Variants in ATP6V0A1 observed in about 807,000 individuals in gnomAD.
ATP6V0A1 encodes the protein ATPase H+ transporting V0 subunit a1.
Under a neutral mutation model 105.4 loss-of-function variants are expected in ATP6V0A1, and 43 were observed. The ratio of observed to expected loss-of-function variants is 0.41; its 90% CI spans 0.32 to 0.53. The LOEUF (loss-of-function observed/expected upper bound fraction) is 0.53, where lower values mean the gene tolerates loss of function less well. Ranked by LOEUF, ATP6V0A1 falls within the 20% of genes least tolerant of loss-of-function variation. The pLI, the probability that ATP6V0A1 is intolerant of heterozygous loss-of-function variation, is 0.30. For synonymous variants in ATP6V0A1, 362 were observed against 372.8 expected (o/e 0.97, Z 0.33); for missense variants, 676 against 1,051.1 (o/e 0.64, Z 4.93).
chr17:42,513,909 T>A lies in ATP6V0A1; in HGVS notation c.2179T>A (p.Tyr727Asn). Residue 727 changes from tyrosine to asparagine, a missense_variant, in exon 20 of 22, where the codon TAC becomes AAC. Around this residue, in one of 3 missense-constraint regions of ATP6V0A1, gnomAD observed 435 missense variants for 642.2 expected, o/e 0.68. Coordinates refer to ENST00000343619, the MANE Select transcript of ATP6V0A1 (RefSeq NM_001130021.3). ...MVHQAIHTIE[Y>N]CLGCISNTAS... Reference sequence around the variant, plus strand: ...CCACCAGGCCATCCACACCATCGAGTACTGCCTGGGCTGCATCTCCAACAC... The same window carrying A: ...CCACCAGGCCATCCACACCATCGAGAACTGCCTGGGCTGCATCTCCAACAC... 6.2e-7 allele frequency: 1 copy of A among 1,614,168 alleles called. No individual in the cohort carries two copies. Among genetic ancestry groups the A allele is most frequent in the Non-Finnish European group, 8.5e-7 (1 of 1,180,028 alleles).
intron 5 of ATP6V0A1, among the ~76,000 whole-genome samples, chr17:42,474,095 C>T (rs1368101708): frequency 6.6e-6 from 1 of 151,836 alleles, no homozygotes; most frequent in African/African-American, 2.4e-5. Flanking sequence ...TGCCGCCTCC[C>T]GGGTTCAAGC....
intron 8 of ATP6V0A1, among the ~76,000 whole-genome samples, chr17:42,482,734 T>C (rs1198981663): frequency 6.6e-6 from 1 of 151,562 alleles, no homozygotes; most frequent in Non-Finnish European, 1.5e-5. Context: ...CTGTCTCTAG[T>C]AAAAATACAA....
intron 21 of ATP6V0A1, among the ~76,000 whole-genome samples, chr17:42,517,405 G>T (rs763910038): frequency 6.6e-6 from 1 of 152,242 alleles, no homozygotes; most frequent in Admixed American, 6.5e-5. Context: ...CCCCAGAGGA[G>T]GCAGAGGATA....
chr17:42,494,721 A>C, intron 12 of ATP6V0A1: 1 of 511,282 alleles, frequency 2.0e-6, no homozygotes, highest in African/African-American at 1.9e-5. Context: ...CAGCATAGGC[A>C]ACATAGTGAG....
intron 7 of ATP6V0A1, 104 bp from the exon 8 acceptor site, chr17:42,480,563 A>G: frequency 9.5e-7 from 1 of 1,053,840 alleles, no homozygotes; most frequent in Non-Finnish European, 1.3e-6. Context: ...CCATGTCCTT[A>G]AAAGATGCCT....
Position 42,470,184 on chromosome 17 carries a change from T to C in ATP6V0A1, c.389T>C (p.Phe130Ser). The C allele has an allele frequency of 6.2e-7, 1 of 1,613,236 alleles. No homozygotes were observed. The highest frequency in any genetic ancestry group is 1.1e-5 in the South Asian group (1 of 90,982). Residue 130 changes from phenylalanine (F) to serine (S), a missense_variant, in exon 5 of 22, where the codon TTT (phenylalanine) becomes TCT (serine). Around this residue, in one of 3 missense-constraint regions of ATP6V0A1, gnomAD observed 239 missense variants for 388.4 expected, o/e 0.62. Coordinates refer to ENST00000343619, the MANE Select transcript of ATP6V0A1 (RefSeq NM_001130021.3). Reference sequence around the variant, plus strand: ...TTCCTGGAACTGACCGAATTAAAATTTATACTTCGCAAAACTCAGCAATTT... The same window carrying C: ...TTCCTGGAACTGACCGAATTAAAATCTATACTTCGCAAAACTCAGCAATTT... ...RNFLELTELK[F>S]ILRKTQQFFD... is the part of the protein sequence containing the mutation.
chr17:42,516,508 C>T (rs190317215), intron 21 of ATP6V0A1, among the ~76,000 whole-genome samples: 1 of 152,342 alleles, frequency 6.6e-6, no homozygotes, highest in African/African-American at 2.4e-5. Flanking sequence ...CTCCTCAGTG[C>T]ACGAGAACCT....
chr17:42,514,946 T>C (rs990310900), intron 21 of ATP6V0A1, among the ~76,000 whole-genome samples: 3 of 152,126 alleles, frequency 2.0e-5, no homozygotes, highest in Non-Finnish European at 4.4e-5. Flanking sequence ...GCAGCTCCAT[T>C]GTGGACCGGA....
intron 14 of ATP6V0A1, 44 bp downstream of exon 14, chr17:42,495,760 C>A: frequency 6.9e-7 from 1 of 1,459,662 alleles, no homozygotes; most frequent in Non-Finnish European, 9.6e-7. Context: ...AATTTTTTAA[C>A]ACTAACCCTG....
At chr17:42,494,891 T>G in intron 12 of ATP6V0A1, 143 bp from the exon 13 acceptor site, 2 of 786,770 alleles carry the variant, frequency 2.5e-6, no homozygotes, top group Non-Finnish European at 4.0e-6. Flanking sequence ...ATTAGCATTG[T>G]ATTTTGGTTT....
At chr17:42,511,046 G>A (rs542154905) in intron 19 of ATP6V0A1, 1 of 152,308 alleles carries the variant, frequency 6.6e-6, no homozygotes, top group Non-Finnish European at 1.5e-5. Flanking sequence ...TCAGAGGAGA[G>A]CAGTTACTGT....
At chr17:42,461,755 G>GC (rs2086432373) in intron 2 of ATP6V0A1, among the ~76,000 whole-genome samples, 1 of 152,176 alleles carries the variant, frequency 6.6e-6, no homozygotes, top group Non-Finnish European at 1.5e-5. Context: ...GGGCGACAGA[G>GC]CAAGACTCCG....
intron 2 of ATP6V0A1, among the ~76,000 whole-genome samples, chr17:42,461,515 C>G (rs1380795420): frequency 2.0e-5 from 3 of 152,160 alleles, no homozygotes. Context: ...TGGCTCACGC[C>G]TATAATCCTA....
chr17:42,494,939 G>C (rs1007178212), intron 12 of ATP6V0A1, 95 bp from the exon 13 acceptor site: 1 of 1,342,816 alleles, frequency 7.4e-7, no homozygotes, highest in Non-Finnish European at 1.0e-6. Flanking sequence ...GGGTAAAGTA[G>C]TGCTGGAGAA....
chr17:42,462,104 G>A (rs1370286859), intron 2 of ATP6V0A1, among the ~76,000 whole-genome samples: 1 of 150,360 alleles, frequency 6.7e-6, no homozygotes, highest in Non-Finnish European at 1.5e-5. Context: ...GGTCCCAGCT[G>A]CTTGGGAAGC....
intron 21 of ATP6V0A1, among the ~76,000 whole-genome samples, chr17:42,516,100 G>T (rs967689936): frequency 6.6e-6 from 1 of 152,122 alleles, no homozygotes; most frequent in Admixed American, 6.5e-5. Context: ...AGAGGCCCCT[G>T]GATGGGATGC....
chr17:42,507,323 T>TGGGCTG (rs2092091123), intron 17 of ATP6V0A1, 197 bp from the exon 18 acceptor site: 5 of 518,956 alleles, frequency 9.6e-6, no homozygotes, highest in East Asian at 3.4e-5. Flanking sequence ...AATTGTAGGT[T>TGGGCTG]GGGCTGGGGC....
At chr17:42,460,728 A>T (rs966388376) in intron 1 of ATP6V0A1, 120 bp from the exon 2 acceptor site, 2 of 564,218 alleles carry the variant, frequency 3.5e-6, no homozygotes, top group African/African-American at 3.7e-5. Context: ...TGTCAAAAAC[A>T]GTTGTTGACC....
At chr17:42,500,074 CAAAAAA>C (rs199733869) in intron 15 of ATP6V0A1, among the ~76,000 whole-genome samples, 10,093 of 61,086 alleles carry the variant, frequency 0.17, 404 homozygotes, top group East Asian at 0.24. Context: ...CCCATCTCTA[CAAAAAA>C]AAAAAAAAAA....
Sources: gnomAD v4.1 joint callset for allele counts (sites outside exome capture counted in the v4.1 genomes callset) on GRCh38, gnomAD v4.1.1 for gene constraint, gnomAD v4.1.1 regional missense constraint, MANE v1.5 for transcripts, NCBI Gene and HGNC (gene_info 2026-07-23, HGNC 2026-07-21) for gene names.